LRP1B: variants seen among roughly 807,000 people sequenced by gnomAD.
LRP1B encodes low-density lipoprotein receptor-related protein 1B.
A neutral mutation model predicts 556.6 loss-of-function variants in LRP1B; 217 were observed. The ratio of observed to expected loss-of-function variants is 0.39; its 90% CI spans 0.35 to 0.44. LRP1B has a LOEUF of 0.44. LRP1B is among the 20% of genes least tolerant of loss of function. The pLI, the probability that LRP1B is intolerant of heterozygous loss-of-function variation, is 1.00. For synonymous variants in LRP1B, 2,047 were observed against 1,865.8 expected (o/e 1.10, Z -2.50); for missense variants, 5,053 against 5,620.8 (o/e 0.90, Z 3.23).
intron 18 of LRP1B, among the ~76,000 whole-genome samples, chr2:140,979,856 T>C (rs1012863389): frequency 4.6e-5 from 7 of 152,096 alleles, no homozygotes; most frequent in African/African-American, 1.4e-4. Flanking sequence ...TTTCTAAAAG[T>C]CTCTAAGTTT....
At chr2:141,655,451 T>G (rs777840545) in intron 2 of LRP1B, among the ~76,000 whole-genome samples, 1 of 152,046 alleles carries the variant, frequency 6.6e-6, no homozygotes, top group African/African-American at 2.4e-5. Flanking sequence ...AAACAACACA[T>G]AGTTGAGCAG....
chr2:141,602,436 GC>G (rs1251047138), intron 2 of LRP1B, among the ~76,000 whole-genome samples: 1 of 152,054 alleles, frequency 6.6e-6, no homozygotes. Context: ...ACTCAAACAG[GC>G]AAAGATATTT....
intron 3 of LRP1B, among the ~76,000 whole-genome samples, chr2:141,383,254 G>C (rs1356203192): frequency 6.6e-6 from 1 of 152,144 alleles, no homozygotes; most frequent in Non-Finnish European, 1.5e-5. Flanking sequence ...CTCCTATACT[G>C]TTGGTGAGAA....
At chr2:140,423,901 G>T (rs1314290296) in intron 66 of LRP1B, among the ~76,000 whole-genome samples, 1 of 151,976 alleles carries the variant, frequency 6.6e-6, no homozygotes, top group African/African-American at 2.4e-5. Context: ...AATATCGCTA[G>T]AAAAGTTTTC....
chr2:140,837,541 A>T (rs6750270), intron 31 of LRP1B, among the ~76,000 whole-genome samples: 41,592 of 152,024 alleles, frequency 0.27, 5,843 homozygotes, highest in South Asian at 0.31. Flanking sequence ...AAAATTTTCA[A>T]ATATAATTAC....
intron 2 of LRP1B, among the ~76,000 whole-genome samples, chr2:141,523,908 A>G (rs1380466415): frequency 6.6e-6 from 1 of 152,204 alleles, no homozygotes; most frequent in Non-Finnish European, 1.5e-5. Context: ...GTCACTGCAC[A>G]GGCTCTAAAA....
intron 2 of LRP1B, among the ~76,000 whole-genome samples, chr2:141,797,303 AC>A (rs1450053590): frequency 6.6e-6 from 1 of 151,336 alleles, no homozygotes; most frequent in Non-Finnish European, 1.5e-5. Flanking sequence ...TGTATGCAGA[AC>A]AATGGATGGA....
chr2:140,552,050 C>T (rs1021825002), intron 43 of LRP1B, among the ~76,000 whole-genome samples: 3 of 152,048 alleles, frequency 2.0e-5, no homozygotes, highest in South Asian at 2.1e-4. Flanking sequence ...ACGTCAGACT[C>T]GAAGCATCCA....
At position 140,884,296 on chromosome 2, in the gene LRP1B, G is replaced by A. The variant is rs1277589071; in HGVS notation, c.3965-275C>T. 2.6e-5 allele frequency among the ~76,000 whole-genome samples: 4 copies of A among 150,982 alleles called. No homozygotes were observed. In the South Asian group the frequency reaches 6.3e-4, roughly 24 times the overall value. ...GCTCTGAGGCTAATAACAACGTTGA[G>A]GTTGCAAAAAAAAAGTTATTTCTTG... On this transcript the variant is annotated intron_variant, in intron 24 of 90. Coordinates refer to ENST00000389484, the MANE Select transcript of LRP1B (RefSeq NM_018557.3).
intron 7 of LRP1B, among the ~76,000 whole-genome samples, chr2:141,185,880 A>G (rs1324787815): frequency 2.0e-5 from 3 of 151,654 alleles, no homozygotes; most frequent in Non-Finnish European, 1.5e-5. Context: ...GCAGTTTGAG[A>G]CCAACCTAGC....
intron 7 of LRP1B, among the ~76,000 whole-genome samples, chr2:141,169,028 A>C (rs1022612102): frequency 3.3e-5 from 5 of 152,044 alleles, no homozygotes; most frequent in African/African-American, 1.2e-4. Flanking sequence ...GCTCAGGCCT[A>C]TAATCCCAGC....
intron 29 of LRP1B, among the ~76,000 whole-genome samples, chr2:140,845,151 CACACAA>C (rs1008577110): frequency 1.3e-5 from 2 of 152,046 alleles, no homozygotes; most frequent in African/African-American, 2.4e-5. Flanking sequence ...CAAACAAAAA[CACACAA>C]ACACAAACAC....
intron 1 of LRP1B, among the ~76,000 whole-genome samples, chr2:141,998,050 A>G (rs562307044): frequency 2.0e-5 from 3 of 152,288 alleles, no homozygotes; most frequent in African/African-American, 7.2e-5. Flanking sequence ...GTTTAAACAT[A>G]TAGAGAAATC....
At chr2:141,958,984 A>G (rs1574531897) in intron 1 of LRP1B, among the ~76,000 whole-genome samples, 2 of 152,088 alleles carry the variant, frequency 1.3e-5, no homozygotes, top group East Asian at 3.9e-4. Context: ...AATTCATTCA[A>G]TTTACACCAA....
chr2:140,906,559 C>T (rs568561799), intron 22 of LRP1B, among the ~76,000 whole-genome samples: 105 of 152,060 alleles, frequency 6.9e-4, no homozygotes, highest in Middle Eastern at 3.4e-3. Flanking sequence ...CTGATAGATA[C>T]CATTGCCTCT....
At chr2:141,156,772 T>C (rs1702078737) in intron 7 of LRP1B, among the ~76,000 whole-genome samples, 1 of 152,100 alleles carries the variant, frequency 6.6e-6, no homozygotes, top group Non-Finnish European at 1.5e-5. Flanking sequence ...ATGTGCAATG[T>C]AGGAATTTGA....
At chr2:141,666,865 C>A (rs1293397136) in intron 2 of LRP1B, among the ~76,000 whole-genome samples, 1 of 152,112 alleles carries the variant, frequency 6.6e-6, no homozygotes. Flanking sequence ...AACCATTTAA[C>A]CTTGGTACAG....
At chr2:141,130,298 A>C (rs1701317407) in intron 7 of LRP1B, among the ~76,000 whole-genome samples, 2 of 152,104 alleles carry the variant, frequency 1.3e-5, no homozygotes, top group Non-Finnish European at 2.9e-5. Context: ...AAAACAGGCA[A>C]ATACAAGTTA....
chr2:141,692,333 C>A (rs1691566553), intron 2 of LRP1B, among the ~76,000 whole-genome samples: 1 of 152,002 alleles, frequency 6.6e-6, no homozygotes, highest in Non-Finnish European at 1.5e-5. Context: ...AAGTTTTACT[C>A]TAAAATTCAA....
Sources: allele counts gnomAD v4.1 joint callset (sites outside exome capture counted in the v4.1 genomes callset), GRCh38; gene constraint gnomAD v4.1.1; transcripts MANE v1.5; gene names NCBI Gene and HGNC (gene_info 2026-07-23, HGNC 2026-07-21).